Variants in CCSER1 observed in about 807,000 individuals in gnomAD.
The protein encoded by CCSER1 is coiled-coil serine rich protein 1.
In CCSER1, 41 loss-of-function variants were observed where a neutral mutation model predicts 82.0. The ratio of observed to expected loss-of-function variants is 0.50; its 90% CI spans 0.39 to 0.65. The LOEUF is 0.65. Among genes scored for constraint, CCSER1 ranks in the 30% least tolerant of loss-of-function variants. CCSER1 has a pLI of 0.00. For missense variants in CCSER1, 1,119 were observed against 1,064.2 expected (o/e 1.05, Z -0.72); for synonymous variants, 414 against 383.9 (o/e 1.08, Z -0.92).
At chr4:91,031,474 G>A (rs139504792) in intron 9 of CCSER1, among the ~76,000 whole-genome samples, 6 of 152,152 alleles carry the variant, frequency 3.9e-5, no homozygotes, top group Admixed American at 2.6e-4. Flanking sequence ...TATATAACAA[G>A]GACTTACAAA....
intron 1 of CCSER1, among the ~76,000 whole-genome samples, chr4:90,242,813 A>T (rs1206104490): frequency 6.6e-6 from 1 of 152,236 alleles, no homozygotes. Flanking sequence ...TTTTAAATAC[A>T]AGTTCAAACA....
At chr4:90,248,220 T>C (rs1438150640) in intron 1 of CCSER1, among the ~76,000 whole-genome samples, 1 of 152,214 alleles carries the variant, frequency 6.6e-6, no homozygotes, top group African/African-American at 2.4e-5. Context: ...GGACCTTGTC[T>C]CTCTTGCATA....
At chr4:90,221,639 A>T (rs1742172415) in intron 1 of CCSER1, among the ~76,000 whole-genome samples, 1 of 152,164 alleles carries the variant, frequency 6.6e-6, no homozygotes, top group Admixed American at 6.6e-5. Flanking sequence ...TCTATTTCTT[A>T]AAAATATATA....
At chr4:91,412,338 T>A (rs923105647) in intron 10 of CCSER1, among the ~76,000 whole-genome samples, 1 of 151,992 alleles carries the variant, frequency 6.6e-6, no homozygotes, top group Non-Finnish European at 1.5e-5. Flanking sequence ...ATGAAACAGC[T>A]GTAAGACACA....
At chr4:91,077,847 C>T (rs1415959976) in intron 9 of CCSER1, among the ~76,000 whole-genome samples, 1 of 152,222 alleles carries the variant, frequency 6.6e-6, no homozygotes, top group Admixed American at 6.5e-5. Flanking sequence ...TCACTAATTG[C>T]TAGCACAGCA....
intron 4 of CCSER1, among the ~76,000 whole-genome samples, chr4:90,464,104 G>A (rs1320527118): frequency 3.3e-5 from 5 of 152,080 alleles, no homozygotes; most frequent in East Asian, 1.9e-4. Context: ...GTCATTTCCT[G>A]TAATAGCATA....
intron 8 of CCSER1, among the ~76,000 whole-genome samples, chr4:90,903,490 AAT>A (rs1261872810): frequency 6.6e-6 from 1 of 152,120 alleles, no homozygotes; most frequent in East Asian, 1.9e-4. Flanking sequence ...AAAACAGACT[AAT>A]ATACATATCA....
chr4:90,264,443 T>C (rs2153450252), intron 1 of CCSER1, among the ~76,000 whole-genome samples: 1 of 152,278 alleles, frequency 6.6e-6, no homozygotes, highest in African/African-American at 2.4e-5. Flanking sequence ...GCTATTAACT[T>C]TATAAAAAGT....
At chr4:90,480,757 A>T (rs539668954) in intron 5 of CCSER1, among the ~76,000 whole-genome samples, 1 of 152,144 alleles carries the variant, frequency 6.6e-6, no homozygotes, top group Admixed American at 6.6e-5. Flanking sequence ...TGGTACCAGT[A>T]CCATGCTGTT....
chr4:90,274,785 A>T (rs752247985), intron 1 of CCSER1, among the ~76,000 whole-genome samples: 1 of 152,148 alleles, frequency 6.6e-6, no homozygotes, highest in Non-Finnish European at 1.5e-5. Flanking sequence ...TATATCACAC[A>T]ATTACTGAAT....
intron 8 of CCSER1, among the ~76,000 whole-genome samples, chr4:90,830,779 G>A (rs1253153653): frequency 6.6e-6 from 1 of 152,004 alleles, no homozygotes; most frequent in Non-Finnish European, 1.5e-5. Context: ...TATAACTTTT[G>A]TTAATTGTCC....
intron 10 of CCSER1, among the ~76,000 whole-genome samples, chr4:91,547,885 A>G (rs1346081832): frequency 1.3e-5 from 2 of 151,830 alleles, no homozygotes; most frequent in East Asian, 3.9e-4. Flanking sequence ...GGGTTCTAGC[A>G]ATTCTCCTGC....
chr4:90,268,901 T>G (rs889368921), intron 1 of CCSER1, among the ~76,000 whole-genome samples: 1 of 151,906 alleles, frequency 6.6e-6, no homozygotes, highest in Non-Finnish European at 1.5e-5. Context: ...GTAGCTACAC[T>G]TACATCAGAC....
chr4:91,599,587 G>A lies in CCSER1; in HGVS notation c.*530G>A, dbSNP rs1325102915. 1.3e-5 allele frequency: 2 copies of A among 152,192 alleles called. No individual in the cohort carries two copies. The highest frequency in any genetic ancestry group is 6.6e-5 in the Admixed American group (1 of 15,256). 9.4% of individuals were successfully genotyped at this position (152,192 alleles called of 1,614,324 possible). A position where few individuals can be genotyped will look rare whatever the true frequency, so the allele number is the denominator to read the frequency against. ...GTGGCTTGCTTGCATGTAACCTAGA[G>A]ATGTGTTTGTCTCTATTACATACAT... On this transcript the variant is annotated 3_prime_UTR_variant, in exon 11 of 11. Coordinates refer to ENST00000509176, the MANE Select transcript of CCSER1 (RefSeq NM_001145065.2).
intron 10 of CCSER1, among the ~76,000 whole-genome samples, chr4:91,554,127 A>G (rs1335585360): frequency 1.3e-5 from 2 of 151,346 alleles, no homozygotes; most frequent in African/African-American, 4.8e-5. Flanking sequence ...TTTCCTTTTG[A>G]TTTATCCTCT....
chr4:91,215,477 C>G (rs975039056), intron 10 of CCSER1, among the ~76,000 whole-genome samples: 2 of 152,120 alleles, frequency 1.3e-5, no homozygotes, highest in African/African-American at 4.8e-5. Context: ...AGCTAAAGAG[C>G]AAGATAGCCA....
intron 10 of CCSER1, among the ~76,000 whole-genome samples, chr4:91,179,047 CCTT>C (rs1248196588): frequency 1.3e-5 from 2 of 152,126 alleles, no homozygotes; most frequent in African/African-American, 2.4e-5. Flanking sequence ...TTTTATTTCT[CCTT>C]CTTTTATGAA....
chr4:91,568,368 AT>A (rs1390372439), intron 10 of CCSER1, among the ~76,000 whole-genome samples: 5 of 151,654 alleles, frequency 3.3e-5, no homozygotes, highest in Admixed American at 1.3e-4. Flanking sequence ...GATTCTCTGT[AT>A]TTCCTGAATT....
chr4:91,171,322 T>G, intron 10 of CCSER1, among the ~76,000 whole-genome samples: 1 of 152,310 alleles, frequency 6.6e-6, no homozygotes, highest in East Asian at 1.9e-4. Flanking sequence ...CAAATTCAAC[T>G]AATTGTTTGT....
Sources: allele counts gnomAD v4.1 joint callset (sites outside exome capture counted in the v4.1 genomes callset), GRCh38; gene constraint gnomAD v4.1.1; transcripts MANE v1.5; gene names NCBI Gene and HGNC (gene_info 2026-07-23, HGNC 2026-07-21).